SWT1: variants seen among roughly 807,000 people sequenced by gnomAD.
SWT1 encodes SWT1 RNA endoribonuclease homolog.
A neutral mutation model predicts 107.3 loss-of-function variants in SWT1; 33 were observed. The ratio of observed to expected loss-of-function variants is 0.31; its 90% CI spans 0.23 to 0.41. The LOEUF (loss-of-function observed/expected upper bound fraction) is 0.41, where lower values mean the gene tolerates loss of function less well. Among genes scored for constraint, SWT1 ranks in the 10% least tolerant of loss-of-function variants. The pLI is 1.00. For synonymous variants in SWT1, 345 were observed against 348.3 expected, an observed-to-expected ratio of 0.99 and a Z score of 0.11; for missense variants, 898 against 1,028.9, an observed-to-expected ratio of 0.87 and a Z score of 1.74.
rs75079437 is a variant in SWT1, at chr1:185,259,866, T to C, written c.2442-11457T>C. 3.3e-3 allele frequency among the ~76,000 whole-genome samples: 507 copies of C among 152,308 alleles called. 19 individuals are homozygous for C. In the East Asian group the frequency reaches 0.063, roughly 19 times the overall value. ...GGACAGATTTCAAGATTATTTATAG[T>C]ACTTACATTACATTCATATTTCCCT... On this transcript the variant is annotated intron_variant, in intron 16 of 18. Coordinates refer to ENST00000367500, the MANE Select transcript of SWT1 (RefSeq NM_017673.7).
At chr1:185,251,072 GT>G (rs1661981369) in intron 16 of SWT1, among the ~76,000 whole-genome samples, 1 of 152,190 alleles carries the variant, frequency 6.6e-6, no homozygotes, top group Admixed American at 6.5e-5. Context: ...TTAGAAGTCA[GT>G]GATTTAATGA....
At position 185,202,736 on chromosome 1, in the gene SWT1, C is replaced by T. The variant is rs1353587417; in HGVS notation, c.1606C>T (p.His536Tyr). ...SKEELSAELL[H>Y]LSLNTDVCHQ... The stretch of plus-strand genomic sequence containing the variant: ...AGAAGAATTGAGTGCAGAGTTATTA[C>T]ACTTATCTCTGAACACAGATGTGTG... Residue 536 changes from histidine to tyrosine, a missense_variant, in exon 11 of 19, where the codon CAC becomes TAC. Transcript: ENST00000367500. The T allele has an allele frequency of 1.2e-6, 2 of 1,603,416 alleles. No individual in the cohort carries two copies. Among genetic ancestry groups the T allele is most frequent in the South Asian group, 1.1e-5 (1 of 89,432 alleles).
intron 17 of SWT1, among the ~76,000 whole-genome samples, chr1:185,272,369 T>G (rs1257079227): frequency 1.3e-5 from 2 of 152,252 alleles, no homozygotes; most frequent in Non-Finnish European, 2.9e-5. Flanking sequence ...GTATATGTGT[T>G]TAATTTTTAA....
At chr1:185,174,112 T>A (rs1433211233) in intron 4 of SWT1, among the ~76,000 whole-genome samples, 10 of 152,208 alleles carry the variant, frequency 6.6e-5, no homozygotes, top group East Asian at 1.9e-4. Context: ...TAATAATAAT[T>A]ATTTTACACT....
chr1:185,239,052 A>G (rs1031146693), intron 16 of SWT1, among the ~76,000 whole-genome samples: 3 of 152,168 alleles, frequency 2.0e-5, no homozygotes, highest in Admixed American at 6.6e-5. Flanking sequence ...TTATCTTAAA[A>G]ATAGTAGATC....
chr1:185,288,250 T>A (rs1665058663), intron 18 of SWT1, among the ~76,000 whole-genome samples: 1 of 152,148 alleles, frequency 6.6e-6, no homozygotes, highest in Non-Finnish European at 1.5e-5. Flanking sequence ...AAATTTTTTT[T>A]ATTATTATTT....
At chr1:185,170,248 C>T (rs1654933157) in intron 4 of SWT1, among the ~76,000 whole-genome samples, 1 of 152,194 alleles carries the variant, frequency 6.6e-6, no homozygotes. Context: ...GCAGACACTT[C>T]TGCGTTATTG....
At chr1:185,256,392 A>C (rs1165064668) in intron 16 of SWT1, among the ~76,000 whole-genome samples, 1 of 149,446 alleles carries the variant, frequency 6.7e-6, no homozygotes, top group Non-Finnish European at 1.5e-5. Context: ...ACTTGGTTCC[A>C]TTCTCCCCAT....
chr1:185,268,921 C>T (rs1179853226), intron 16 of SWT1, among the ~76,000 whole-genome samples: 1 of 146,888 alleles, frequency 6.8e-6, no homozygotes, highest in East Asian at 2.0e-4. Flanking sequence ...GGCGCGATCT[C>T]GCCTCACTGC....
chr1:185,160,991 C>T (rs1654097743), intron 2 of SWT1, 66 bp downstream of exon 2: 18 of 1,108,910 alleles, frequency 1.6e-5, no homozygotes, highest in Non-Finnish European at 2.4e-5. Context: ...GAAAAAAATA[C>T]ACCTTACTAT....
At position 185,160,908 on chromosome 1, in the gene SWT1, C is replaced by A; in HGVS notation, c.67C>A (p.Pro23Thr). Residue 23 changes from proline (P) to threonine (T), a missense_variant, in exon 2 of 19, where the codon CCC becomes ACC. By Grantham distance (38) the Pro-to-Thr change is conservative (BLOSUM62 -1). Transcript: ENST00000367500. ...GAGGAAAGACACCACCACCTCATCA[C>A]CCAATTTTGGTGAAAAAGTAAGAAT... ...SQRKDTTTSSPNFGEKDKKER... is the reference protein window; with the variant it reads ...SQRKDTTTSSTNFGEKDKKER... 2 of 1,612,138 alleles carry A rather than the reference C, an allele frequency of 1.2e-6. No homozygotes were observed. Among genetic ancestry groups the A allele is most frequent in the Non-Finnish European group, 8.5e-7 (1 of 1,179,074 alleles).
intron 4 of SWT1, among the ~76,000 whole-genome samples, chr1:185,173,777 G>A (rs1655303095): frequency 6.6e-6 from 1 of 152,004 alleles, no homozygotes; most frequent in South Asian, 2.1e-4. Context: ...AGCACCTTGG[G>A]AGGCCGAGGC....
intron 18 of SWT1, 21 bp downstream of exon 18, chr1:185,276,689 G>A (rs371280873): frequency 3.0e-6 from 4 of 1,353,974 alleles, no homozygotes; most frequent in South Asian, 1.4e-5. Flanking sequence ...TCTATATATA[G>A]ATATAAACCA....
chr1:185,210,432 C>G (rs1658693298), intron 13 of SWT1, among the ~76,000 whole-genome samples: 1 of 152,164 alleles, frequency 6.6e-6, no homozygotes. Flanking sequence ...TTTCAGCTTT[C>G]TGCATATGGC....
intron 10 of SWT1, among the ~76,000 whole-genome samples, chr1:185,191,869 A>G (rs907009556): frequency 2.0e-5 from 3 of 152,128 alleles, no homozygotes; most frequent in East Asian, 1.9e-4. Context: ...CAGATATACT[A>G]TTTTTTAGCG....
rs543519455 is a variant in SWT1 at position 185,227,430 on chromosome 1, G to A, written c.2310-4147G>A. 7.3e-5 allele frequency: 47 copies of A among 646,582 alleles called. No individual in the cohort carries two copies. The East Asian group carries it at 1.4e-3, about 19-fold the overall frequency. 40.1% of individuals were successfully genotyped at this position (646,582 alleles called of 1,614,324 possible). On this transcript the variant is annotated intron_variant, in intron 15 of 18. Transcript: ENST00000367500. ...TGCCGCAGCATAATTTTTCAGGCCAGCCTTCATACCATTATTTTGGCAGTT... is the reference window on the plus strand; with the variant it reads ...TGCCGCAGCATAATTTTTCAGGCCAACCTTCATACCATTATTTTGGCAGTT...
At chr1:185,187,985 G>A (rs1467171693) in intron 9 of SWT1, among the ~76,000 whole-genome samples, 5 of 152,180 alleles carry the variant, frequency 3.3e-5, no homozygotes, top group Non-Finnish European at 5.9e-5. Flanking sequence ...GAGCCACCGC[G>A]CCTTGCCAAG....
chr1:185,168,446 A>G (rs1438341167), intron 4 of SWT1, 48 bp downstream of exon 4: 1 of 1,229,494 alleles, frequency 8.1e-7, no homozygotes, highest in Non-Finnish European at 1.1e-6. Context: ...GAATTATGAG[A>G]CTAAATATTT....
intron 13 of SWT1, 99 bp from the exon 14 acceptor site, chr1:185,214,408 C>A: frequency 1.1e-6 from 1 of 909,104 alleles, no homozygotes; most frequent in Non-Finnish European, 1.7e-6. Context: ...TAAATGTATA[C>A]TCTTTTTAAA....
Sources: allele counts gnomAD v4.1 joint callset (sites outside exome capture counted in the v4.1 genomes callset), GRCh38; gene constraint gnomAD v4.1.1; transcripts MANE v1.5; gene names NCBI Gene and HGNC (gene_info 2026-07-23, HGNC 2026-07-21).